Variants in FAT3 observed in about 807,000 individuals in gnomAD.
FAT3 encodes FAT atypical cadherin 3.
Under a neutral mutation model 310.2 loss-of-function variants are expected in FAT3, and 95 were observed. That is an observed-to-expected ratio of 0.31 (90% confidence interval 0.26 to 0.36). The LOEUF (loss-of-function observed/expected upper bound fraction) is 0.36, where lower values mean the gene tolerates loss of function less well. FAT3 is among the 10% of genes least tolerant of loss of function. FAT3 has a pLI of 1.00. For missense variants in FAT3, 5,408 were observed against 5,715.6 expected (o/e 0.95, Z 1.74); for synonymous variants, 2,314 against 2,192.9 (o/e 1.06, Z -1.54).
intron 22 of FAT3, among the ~76,000 whole-genome samples, chr11:92,870,578 A>T (rs1285822235): frequency 1.3e-5 from 2 of 152,134 alleles, no homozygotes; most frequent in Non-Finnish European, 2.9e-5. Context: ...GTGGGCAGGG[A>T]TCAGCCCAAT....
At position 92,799,451 on chromosome 11, in the gene FAT3, C is replaced by T; in HGVS notation, c.6438C>T (p.Asn2146=). 5 of 1,613,672 alleles carry T rather than the reference C, an allele frequency of 3.1e-6. No individual in the cohort carries two copies. Among genetic ancestry groups the T allele is most frequent in the Non-Finnish European group, 4.2e-6 (5 of 1,179,766 alleles). The part of the protein sequence containing the change: ...SGNVILKEAF[N]SDLSNIEYGV... ...ATGTTATTTTAAAGGAAGCATTCAA[C>T]TCTGACTTGTCCAACATTGAGTATG... is the stretch of plus-strand genomic sequence containing the variant. The change falls in exon 10 of 28, where the codon AAC becomes AAT. Residue 2146 remains asparagine, a synonymous_variant. Coordinates refer to ENST00000525166, the MANE Select transcript of FAT3 (RefSeq NM_001367949.2).
At position 92,893,615 on chromosome 11, in the gene FAT3, T is replaced by C. The variant is rs1452029602; in HGVS notation, c.*2502T>C. 6.6e-6 allele frequency: 1 copy of C among 152,210 alleles called. No individual in the cohort carries two copies. Among genetic ancestry groups the C allele is most frequent in the Admixed American group, 6.5e-5 (1 of 15,274 alleles). The allele number at this position is 152,210 out of a possible 1,614,324, so 9.4% of individuals were successfully genotyped here. A position where few individuals can be genotyped will look rare whatever the true frequency, so the allele number is the denominator to read the frequency against. On this transcript the variant is annotated 3_prime_UTR_variant, in exon 28 of 28. Transcript: ENST00000525166. ...GATCCTAATGCAGTCATGAAGCCAC[T>C]GAAGAAAATTGTGCCCACCCTTTGC...
intron 2 of FAT3, among the ~76,000 whole-genome samples, chr11:92,361,584 G>T (rs1234069376): frequency 1.3e-5 from 2 of 152,138 alleles, no homozygotes; most frequent in African/African-American, 2.4e-5. Context: ...AACACTGCTG[G>T]CACCTTGATG....
intron 2 of FAT3, among the ~76,000 whole-genome samples, chr11:92,459,554 A>C (rs1342634595): frequency 6.6e-6 from 1 of 152,174 alleles, no homozygotes; most frequent in Non-Finnish European, 1.5e-5. Context: ...CTGGTTCTTC[A>C]CAACTCTCTC....
intron 1 of FAT3, among the ~76,000 whole-genome samples, chr11:92,257,612 T>C (rs1865368183): frequency 6.6e-6 from 1 of 152,120 alleles, no homozygotes; most frequent in African/African-American, 2.4e-5. Context: ...CTCTGGAACC[T>C]TTGAAAAATG....
rs748501834 is a variant in FAT3, at chr11:92,567,199, CAA to C, written c.3607+42254_3607+42255del. 2.1e-3 allele frequency among the ~76,000 whole-genome samples: 85 copies of C among 39,682 alleles called. 1 individual carries two copies. Among genetic ancestry groups the C allele is most frequent in the Non-Finnish European group, 4.0e-3 (56 of 14,022 alleles). 26.0% of individuals were successfully genotyped at this position (39,682 alleles called of 152,430 possible). A position where few individuals can be genotyped will look rare whatever the true frequency, so the allele number is the denominator to read the frequency against. On this transcript the variant is annotated intron_variant, in intron 3 of 27. Coordinates refer to ENST00000525166, the MANE Select transcript of FAT3 (RefSeq NM_001367949.2). Reference sequence around the variant, plus strand: ...CTCAAAGAAATTTACAAGAAAAAAACAAAACCCCATCAAAAAGTGGGCGAAGG... The same window carrying C: ...CTCAAAGAAATTTACAAGAAAAAAACAACCCCATCAAAAAGTGGGCGAAGG...
chr11:92,559,716 T>A (rs373258702), intron 3 of FAT3: 1 of 157,338 alleles, frequency 6.4e-6, no homozygotes, highest in Non-Finnish European at 1.4e-5. Flanking sequence ...GTAAGTGGAA[T>A]CACGTAACAT....
chr11:92,686,910 T>G (rs1943649242), intron 3 of FAT3, among the ~76,000 whole-genome samples: 2 of 152,172 alleles, frequency 1.3e-5, no homozygotes, highest in Admixed American at 1.3e-4. Flanking sequence ...TGACATGATT[T>G]CTAAGGGGAG....
chr11:92,684,578 A>G (rs973929561), intron 3 of FAT3, among the ~76,000 whole-genome samples: 4 of 152,204 alleles, frequency 2.6e-5, no homozygotes, highest in Admixed American at 6.5e-5. Context: ...ATTACAGTAT[A>G]CCAGTTCAGG....
chr11:92,443,290 A>G (rs1200047994), intron 2 of FAT3, among the ~76,000 whole-genome samples: 1 of 152,232 alleles, frequency 6.6e-6, no homozygotes, highest in African/African-American at 2.4e-5. Flanking sequence ...AGGAGCAGCA[A>G]TGGGATGTCA....
At chr11:92,466,406 A>T (rs1463752782) in intron 2 of FAT3, among the ~76,000 whole-genome samples, 1 of 152,116 alleles carries the variant, frequency 6.6e-6, no homozygotes, top group East Asian at 1.9e-4. Flanking sequence ...TAAAAAGACA[A>T]AAATGGCTTT....
chr11:92,229,959 G>A (rs1474723879), intron 1 of FAT3, among the ~76,000 whole-genome samples: 1 of 152,056 alleles, frequency 6.6e-6, no homozygotes, highest in Non-Finnish European at 1.5e-5. Flanking sequence ...TATGAATGTG[G>A]AGAGCCTAGA....
chr11:92,492,846 C>G (rs1441992994), intron 2 of FAT3, among the ~76,000 whole-genome samples: 1 of 152,062 alleles, frequency 6.6e-6, no homozygotes, highest in East Asian at 1.9e-4. Context: ...AGATGCTGAA[C>G]AAATGCTGGT....
intron 1 of FAT3, among the ~76,000 whole-genome samples, chr11:92,286,086 C>T (rs1026152267): frequency 6.6e-6 from 1 of 152,058 alleles, no homozygotes; most frequent in African/African-American, 2.4e-5. Flanking sequence ...GACTGCCTTC[C>T]CTTTTCTGTT....
At chr11:92,697,791 C>T (rs1248736707) in intron 4 of FAT3, among the ~76,000 whole-genome samples, 1 of 152,100 alleles carries the variant, frequency 6.6e-6, no homozygotes, top group South Asian at 2.1e-4. Context: ...AGAGAAAGAG[C>T]GTCAGTGTAC....
intron 4 of FAT3, among the ~76,000 whole-genome samples, chr11:92,754,367 T>A (rs1308843237): frequency 6.6e-6 from 1 of 151,816 alleles, no homozygotes; most frequent in East Asian, 1.9e-4. Flanking sequence ...GGCTCACGCC[T>A]GTAATACCAG....
chr11:92,633,278 G>A (rs981578562), intron 3 of FAT3, among the ~76,000 whole-genome samples: 7 of 152,104 alleles, frequency 4.6e-5, no homozygotes, highest in African/African-American at 1.7e-4. Flanking sequence ...CTTGATATAA[G>A]GGAGTCCTAG....
intron 2 of FAT3, among the ~76,000 whole-genome samples, chr11:92,467,500 G>A (rs72972469): frequency 0.032 from 4,859 of 152,160 alleles, 86 homozygotes; most frequent in African/African-American, 0.036. Flanking sequence ...ACAGAAACCC[G>A]TGATTAGCCC....
At chr11:92,540,867 G>C (rs1003585421) in intron 3 of FAT3, among the ~76,000 whole-genome samples, 1 of 152,026 alleles carries the variant, frequency 6.6e-6, no homozygotes, top group African/African-American at 2.4e-5. Flanking sequence ...CCAGCTAAAG[G>C]AAAGTGGGTG....
Sources: gnomAD v4.1 joint callset for allele counts (sites outside exome capture counted in the v4.1 genomes callset) on GRCh38, gnomAD v4.1.1 for gene constraint, MANE v1.5 for transcripts, NCBI Gene and HGNC (gene_info 2026-07-23, HGNC 2026-07-21) for gene names.